The following SLC6A3 variants were observed in gnomAD, a reference collection of about 807,000 sequenced individuals.
The protein encoded by SLC6A3 is solute carrier family 6 member 3.
SLC6A3 carries 19 observed loss-of-function variants against 70.4 expected under a neutral mutation model. The ratio of observed to expected loss-of-function variants is 0.27; its 90% CI spans 0.19 to 0.40. The LOEUF is 0.40. Ranked by LOEUF, SLC6A3 falls within the 10% of genes least tolerant of loss-of-function variation. The probability of loss-of-function intolerance (pLI) is 1.00; values close to 1 mark genes in which losing one functional copy is unlikely to be tolerated. For missense variants in SLC6A3, 613 were observed against 838.5 expected, an observed-to-expected ratio of 0.73 and a Z score of 3.32; for synonymous variants, 368 against 356.6, an observed-to-expected ratio of 1.03 and a Z score of -0.36.
Position 1,435,718 on chromosome 5 carries a change from C to CT in SLC6A3, c.419-3021dup, listed in dbSNP as rs1289793722. ...GGCACCTGGGTGAGGAAATGGCTCC[C>CT]TTGAACAGTGGTGGCCAGTCCCCTC... On this transcript the variant is annotated intron_variant, in intron 3 of 14. Coordinates refer to ENST00000270349, the MANE Select transcript of SLC6A3 (RefSeq NM_001044.5). Among the ~76,000 whole-genome samples, 5 of 130,110 alleles carry CT rather than the reference C, an allele frequency of 3.8e-5. No homozygotes were observed. In the East Asian group the frequency reaches 8.9e-4, roughly 23 times the overall value. 85.4% of individuals were successfully genotyped at this position (130,110 alleles called of 152,430 possible).
chr5:1,412,432 C>T (rs923215988), intron 8 of SLC6A3, among the ~76,000 whole-genome samples: 7 of 152,334 alleles, frequency 4.6e-5, no homozygotes, highest in Non-Finnish European at 1.0e-4. Flanking sequence ...AAGCGAGGGG[C>T]ACGCCAGGCT....
rs28363163 is a variant in SLC6A3, at chr5:1,394,999, G to A, written c.1840-241C>T. On this transcript the variant is annotated intron_variant, in intron 14 of 14. Transcript: ENST00000270349. This position sits in a 1 kb window ranked among gnomAD's most constrained non-coding sequence, Gnocchi z 4.7. ...TCATTACTTGATTTTTTAAAAAGCCGCGAGACTGTGGTTGGCGTGGTGGCC... is the reference window on the plus strand; with the variant it reads ...TCATTACTTGATTTTTTAAAAAGCCACGAGACTGTGGTTGGCGTGGTGGCC... Among the ~76,000 whole-genome samples, 143 of 152,322 alleles carry A rather than the reference G, an allele frequency of 9.4e-4. No individual in the cohort carries two copies. Among genetic ancestry groups the A allele is most frequent in the Non-Finnish European group, 2.4e-4 (16 of 68,028 alleles).
chr5:1,411,198 G>A lies in SLC6A3; in HGVS notation c.1269+45C>T. ...AGGGCAGGGCCCCCTCGGGTGGAAG[G>A]AACCCAACTGCCGAGGACAGGGCCG... On this transcript the variant is annotated intron_variant, in intron 9 of 14. Coordinates refer to ENST00000270349, the MANE Select transcript of SLC6A3 (RefSeq NM_001044.5). This position sits in a 1 kb window ranked among gnomAD's most constrained non-coding sequence, Gnocchi z 6.5. The A allele has an allele frequency of 7.3e-7, 1 of 1,377,262 alleles. No homozygotes were observed. Among genetic ancestry groups the A allele is most frequent in the Non-Finnish European group, 1.0e-6 (1 of 990,048 alleles). 85.3% of individuals were successfully genotyped at this position (1,377,262 alleles called of 1,614,324 possible). A position where few individuals can be genotyped will look rare whatever the true frequency, so the allele number is the denominator to read the frequency against.
rs549125422 is a variant in SLC6A3 at position 1,404,566 on chromosome 5, T to G, written c.1600-1477A>C. Among the ~76,000 whole-genome samples the G allele has an allele frequency of 6.6e-6, 1 of 152,394 alleles. No individual in the cohort carries two copies. The highest frequency in any genetic ancestry group is 1.9e-4 in the East Asian group (1 of 5,194). On this transcript the variant is annotated intron_variant, in intron 12 of 14. Coordinates refer to ENST00000270349, the MANE Select transcript of SLC6A3 (RefSeq NM_001044.5). The surrounding 1 kb of genome is among the most constrained non-coding windows in gnomAD (Gnocchi z 5.2). ...CCTTTAGCAGTGCTGTGGCATCATC[T>G]GCCACAGAGTCATCTGAACGAGACT...
In SLC6A3 at chr5:1,397,644, G is replaced by C. The variant is rs1755752241; in HGVS notation, c.1840-2886C>G. Among the ~76,000 whole-genome samples the C allele has an allele frequency of 6.6e-6, 1 of 152,168 alleles. No individual in the cohort carries two copies. Among genetic ancestry groups the C allele is most frequent in the South Asian group, 2.1e-4 (1 of 4,830 alleles). ...CAGAGATAGTCCCTGTCAGCCTAGA[G>C]CCCTGAGCCCACAACAGTGCTTTCG... is the stretch of plus-strand genomic sequence containing the variant. On this transcript the variant is annotated intron_variant, in intron 14 of 14. Coordinates refer to ENST00000270349, the MANE Select transcript of SLC6A3 (RefSeq NM_001044.5). The surrounding 1 kb of genome is among the most constrained non-coding windows in gnomAD (Gnocchi z 4.7).
At chr5:1,435,274 A>G in intron 3 of SLC6A3, among the ~76,000 whole-genome samples, 1 of 152,242 alleles carries the variant, frequency 6.6e-6, no homozygotes, top group Non-Finnish European at 1.5e-5. Flanking sequence ...GGTGAGCCAC[A>G]TTGTTTCCAG....
rs1285541918 is a variant in SLC6A3 at position 1,421,102 on chromosome 5, G to A, written c.793-399C>T. Among the ~76,000 whole-genome samples the A allele has an allele frequency of 6.6e-6, 1 of 152,110 alleles. No individual in the cohort carries two copies. Among genetic ancestry groups the A allele is most frequent in the African/African-American group, 2.4e-5 (1 of 41,414 alleles). ...CCTGCGGGAGGCTCCCGTGGCTGGT[G>A]CCATACTACACGCACTTTTCCAAGG... On this transcript the variant is annotated intron_variant, in intron 5 of 14. Transcript: ENST00000270349. This position sits in a 1 kb window ranked among gnomAD's most constrained non-coding sequence, Gnocchi z 7.2.
rs13189021 is a variant in SLC6A3, at chr5:1,442,727, C to T, written c.286+185G>A. Among the ~76,000 whole-genome samples the T allele has an allele frequency of 0.16, 24,274 of 152,014 alleles. 2,632 individuals are homozygous for T. Among genetic ancestry groups the T allele is most frequent in the Non-Finnish European group, 0.22 (15,204 of 67,934 alleles). ...ATGCAGGCGTGGGACAAGGCAGCTC[C>T]GAGTCCTGCTCAATGGTTTTGTGAC... On this transcript the variant is annotated intron_variant, in intron 2 of 14. Coordinates refer to ENST00000270349, the MANE Select transcript of SLC6A3 (RefSeq NM_001044.5). This position sits in a 1 kb window ranked among gnomAD's most constrained non-coding sequence, Gnocchi z 5.0.
At chr5:1,435,617 T>G (rs1756810853) in intron 3 of SLC6A3, among the ~76,000 whole-genome samples, 2 of 152,262 alleles carry the variant, frequency 1.3e-5, no homozygotes, top group Admixed American at 1.3e-4. Flanking sequence ...CCTGCTCTGA[T>G]CCATGGGACA....
chr5:1,405,945 G>C lies in SLC6A3; in HGVS notation c.1599+243C>G, dbSNP rs186123863. Among the ~76,000 whole-genome samples the C allele has an allele frequency of 1.3e-5, 2 of 152,178 alleles. No homozygotes were observed. The highest frequency in any genetic ancestry group is 4.8e-5 in the African/African-American group (2 of 41,454). On this transcript the variant is annotated intron_variant, in intron 12 of 14. Coordinates refer to ENST00000270349, the MANE Select transcript of SLC6A3 (RefSeq NM_001044.5). This position sits in a 1 kb window ranked among gnomAD's most constrained non-coding sequence, Gnocchi z 5.3. ...GCGGCCCAAGTGCAGGACTCACAACGGACTGTGACAGGGGTCCAAGACCAT... is the reference window on the plus strand; with the variant it reads ...GCGGCCCAAGTGCAGGACTCACAACCGACTGTGACAGGGGTCCAAGACCAT...
At chr5:1,433,576 C>A (rs1020474993) in intron 3 of SLC6A3, among the ~76,000 whole-genome samples, 1 of 152,068 alleles carries the variant, frequency 6.6e-6, no homozygotes, top group Non-Finnish European at 1.5e-5. Flanking sequence ...CACATCCATC[C>A]GCAGCCATCC....
rs543701303 is a variant in SLC6A3, at chr5:1,397,677, G to C, written c.1840-2919C>G. ...CCCACAACAGTGCTTTCGTGAATGAGAGCAGCATAAAGATGTTCCCACACA... is the reference window on the plus strand; with the variant it reads ...CCCACAACAGTGCTTTCGTGAATGACAGCAGCATAAAGATGTTCCCACACA... On this transcript the variant is annotated intron_variant, in intron 14 of 14. Coordinates refer to ENST00000270349, the MANE Select transcript of SLC6A3 (RefSeq NM_001044.5). The surrounding 1 kb of genome is among the most constrained non-coding windows in gnomAD (Gnocchi z 4.7). 6.8e-4 allele frequency among the ~76,000 whole-genome samples: 104 copies of C among 152,306 alleles called. No homozygotes were observed. The highest frequency in any genetic ancestry group is 2.4e-3 in the African/African-American group (100 of 41,560).
Position 1,410,842 on chromosome 5 carries a change from G to T in SLC6A3, c.1269+401C>A, listed in dbSNP as rs577741996. On this transcript the variant is annotated intron_variant, in intron 9 of 14. Transcript: ENST00000270349. ...CATGCGTGTGTGCATGTGTGTGTTCGTGTGTGTTCATGTATGTGTGCGTGT... is the reference window on the plus strand; with the variant it reads ...CATGCGTGTGTGCATGTGTGTGTTCTTGTGTGTTCATGTATGTGTGCGTGT... Among the ~76,000 whole-genome samples the T allele has an allele frequency of 7.9e-5, 12 of 151,938 alleles. No individual in the cohort carries two copies. In the East Asian group the frequency reaches 2.3e-3, roughly 29 times the overall value.
At chr5:1,395,058 G>C (rs959659181) in intron 14 of SLC6A3, among the ~76,000 whole-genome samples, 1 of 152,216 alleles carries the variant, frequency 6.6e-6, no homozygotes, top group Non-Finnish European at 1.5e-5. Flanking sequence ...ATCAGATGCT[G>C]AGTCTGAGAG....
rs765841008 is a variant in SLC6A3 at position 1,405,310 on chromosome 5, G to C, written c.1599+878C>G. 1.3e-5 allele frequency among the ~76,000 whole-genome samples: 2 copies of C among 152,142 alleles called. No individual in the cohort carries two copies. Among genetic ancestry groups the C allele is most frequent in the African/African-American group, 4.8e-5 (2 of 41,448 alleles). ...CCGGAACCCCTCTGCTGGCAACTAC[G>C]GGGCTGTCCCACCTGCTGTGTGCAG... On this transcript the variant is annotated intron_variant, in intron 12 of 14. Transcript: ENST00000270349. This position sits in a 1 kb window ranked among gnomAD's most constrained non-coding sequence, Gnocchi z 5.3.
intron 14 of SLC6A3, among the ~76,000 whole-genome samples, chr5:1,395,255 C>T (rs1027137485): frequency 5.9e-5 from 9 of 152,344 alleles, no homozygotes; most frequent in South Asian, 2.1e-4. Flanking sequence ...GCAAGTGCAG[C>T]GTGTACTGAC....
chr5:1,422,780 CCA>C (rs1435726265), intron 4 of SLC6A3, among the ~76,000 whole-genome samples: 4 of 76,134 alleles, frequency 5.3e-5, no homozygotes, highest in African/African-American at 6.4e-5. Flanking sequence ...CCACCGCTGC[CCA>C]CAGTGCTGCC....
intron 10 of SLC6A3, 86 bp from the exon 11 acceptor site, chr5:1,409,211 G>A: frequency 1.0e-6 from 1 of 992,296 alleles, no homozygotes; most frequent in South Asian, 1.4e-5. Flanking sequence ...CACACAAATT[G>A]TTTCACTCAC....
chr5:1,435,739 C>T (rs572433336), intron 3 of SLC6A3, among the ~76,000 whole-genome samples: 1 of 139,196 alleles, frequency 7.2e-6, no homozygotes, highest in African/African-American at 2.6e-5. Flanking sequence ...GTGGCCAGTC[C>T]CCTCCTGGAT....
Sources: gnomAD v4.1 joint callset for allele counts (sites outside exome capture counted in the v4.1 genomes callset) on GRCh38, gnomAD v4.1.1 for gene constraint, Gnocchi (gnomAD v3.1) non-coding constraint, MANE v1.5 for transcripts, NCBI Gene and HGNC (gene_info 2026-07-23, HGNC 2026-07-21) for gene names.